Variants in LRRC7 observed in about 807,000 individuals in gnomAD.
LRRC7 encodes the protein leucine rich repeat containing 7, also known as leucine-rich repeat-containing protein 7.
Under a neutral mutation model 175.7 loss-of-function variants are expected in LRRC7, and 23 were observed. The observed-to-expected ratio is 0.13, with a 90% CI of 0.09 to 0.19. The LOEUF (loss-of-function observed/expected upper bound fraction) is 0.19. Among genes scored for constraint, LRRC7 ranks in the 10% least tolerant of loss-of-function variants. The pLI is 1.00. For synonymous variants in LRRC7, 685 were observed against 680.9 expected, an observed-to-expected ratio of 1.01 and a Z score of -0.09; for missense variants, 1,354 against 1,904.7, an observed-to-expected ratio of 0.71 and a Z score of 5.38.
At chr1:69,755,392 A>G (rs1429659523) in intron 2 of LRRC7, among the ~76,000 whole-genome samples, 1 of 149,304 alleles carries the variant, frequency 6.7e-6, no homozygotes, top group East Asian at 2.0e-4. Flanking sequence ...ATATATTTAT[A>G]TATATGCAAA....
chr1:69,914,444 T>C (rs1322229273), intron 7 of LRRC7, among the ~76,000 whole-genome samples: 3 of 152,084 alleles, frequency 2.0e-5, no homozygotes, highest in African/African-American at 7.2e-5. Context: ...TGCTGTAAAG[T>C]GATAGCATGA....
At chr1:69,601,662 G>T (rs1489051325) in intron 1 of LRRC7, among the ~76,000 whole-genome samples, 1 of 152,090 alleles carries the variant, frequency 6.6e-6, no homozygotes, top group Non-Finnish European at 1.5e-5. Flanking sequence ...ATTTGTTAAT[G>T]ATAAATATGT....
chr1:69,954,392 T>C (rs1391162129), intron 8 of LRRC7, among the ~76,000 whole-genome samples: 2 of 151,994 alleles, frequency 1.3e-5, no homozygotes, highest in Non-Finnish European at 2.9e-5. Flanking sequence ...TTCAATTTAA[T>C]AAAAGCAAAA....
At chr1:69,644,242 A>T (rs966606302) in intron 1 of LRRC7, among the ~76,000 whole-genome samples, 6 of 68,636 alleles carry the variant, frequency 8.7e-5, no homozygotes, top group Admixed American at 7.9e-4. Flanking sequence ...TCAATTTCCA[A>T]GAGAGAGATA....
At chr1:69,653,541 TG>T (rs1219947173) in intron 1 of LRRC7, among the ~76,000 whole-genome samples, 1 of 152,112 alleles carries the variant, frequency 6.6e-6, no homozygotes, top group East Asian at 1.9e-4. Flanking sequence ...AGAACCTTTT[TG>T]CATTGTTGGT....
chr1:70,041,715 A>G (rs1413710028), intron 21 of LRRC7, among the ~76,000 whole-genome samples: 1 of 152,274 alleles, frequency 6.6e-6, no homozygotes, highest in African/African-American at 2.4e-5. Context: ...GGAATGAGTG[A>G]AAACAACTAA....
At chr1:69,582,955 C>T (rs1646258243) in intron 1 of LRRC7, among the ~76,000 whole-genome samples, 1 of 152,000 alleles carries the variant, frequency 6.6e-6, no homozygotes, top group African/African-American at 2.4e-5. Flanking sequence ...AGTTATAAGA[C>T]ATTTGGGGAA....
intron 7 of LRRC7, among the ~76,000 whole-genome samples, chr1:69,854,361 A>T (rs1015185273): frequency 3.3e-5 from 5 of 152,042 alleles, no homozygotes; most frequent in African/African-American, 1.2e-4. Flanking sequence ...AAATTAGCCA[A>T]GCCTTGTGAT....
At chr1:69,855,284 C>T (rs1296495391) in intron 7 of LRRC7, among the ~76,000 whole-genome samples, 2 of 152,158 alleles carry the variant, frequency 1.3e-5, no homozygotes, top group Admixed American at 1.3e-4. Context: ...TTTCCCTCTA[C>T]ACACTGCTTT....
At chr1:69,721,843 T>C (rs1666386314) in intron 2 of LRRC7, among the ~76,000 whole-genome samples, 1 of 151,948 alleles carries the variant, frequency 6.6e-6, no homozygotes, top group Non-Finnish European at 1.5e-5. Context: ...TTTTTAAAAG[T>C]ATTTTATTGT....
chr1:69,671,516 A>C (rs1413072317), intron 1 of LRRC7, among the ~76,000 whole-genome samples: 3 of 152,098 alleles, frequency 2.0e-5, no homozygotes, highest in Non-Finnish European at 4.4e-5. Flanking sequence ...GTATCTCAGT[A>C]GGTCACATAT....
At chr1:69,962,362 T>A (rs1290860441) in intron 8 of LRRC7, among the ~76,000 whole-genome samples, 1 of 152,130 alleles carries the variant, frequency 6.6e-6, no homozygotes, top group Non-Finnish European at 1.5e-5. Flanking sequence ...AGAAAAAGGA[T>A]CACTTATACA....
chr1:69,948,836 A>G (rs146605395), intron 8 of LRRC7, among the ~76,000 whole-genome samples: 159 of 152,288 alleles, frequency 1.0e-3, no homozygotes, highest in Middle Eastern at 3.4e-3. Context: ...CAAGCACATT[A>G]CAGACTTTCA....
intron 26 of LRRC7, among the ~76,000 whole-genome samples, chr1:70,109,779 C>G (rs1665397158): frequency 6.6e-6 from 1 of 152,308 alleles, no homozygotes; most frequent in South Asian, 2.1e-4. Context: ...CAACATAACT[C>G]TCTAACATTT....
rs72671190 is a variant in LRRC7 at position 69,577,270 on chromosome 1, C to T, written c.2+8629C>T. 3.1e-3 allele frequency among the ~76,000 whole-genome samples: 471 copies of T among 152,264 alleles called. 4 individuals carry two copies. The highest frequency in any genetic ancestry group is 5.5e-3 in the Admixed American group (84 of 15,288). On this transcript the variant is annotated intron_variant, in intron 1 of 26. Transcript: ENST00000651989. ...TATAAAGGAATATGTTGTTAATCTC[C>T]TTCCCCCTCTTCCCTAGTAGAATTT...
At chr1:69,640,915 A>T (rs72936584) in intron 1 of LRRC7, among the ~76,000 whole-genome samples, 3,655 of 151,772 alleles carry the variant, frequency 0.024, 125 homozygotes, top group African/African-American at 0.083. Flanking sequence ...TCATAAACAC[A>T]ATTAAGATAT....
intron 3 of LRRC7, among the ~76,000 whole-genome samples, chr1:69,784,850 C>G (rs977137710): frequency 6.6e-6 from 1 of 152,078 alleles, no homozygotes; most frequent in East Asian, 1.9e-4. Context: ...ATGTAGAACA[C>G]AATATAAATG....
At chr1:70,119,864 C>G (rs953917721) in intron 26 of LRRC7, among the ~76,000 whole-genome samples, 3 of 152,002 alleles carry the variant, frequency 2.0e-5, no homozygotes, top group African/African-American at 4.8e-5. Context: ...CACAAAGTCA[C>G]TATTATGGTT....
intron 7 of LRRC7, among the ~76,000 whole-genome samples, chr1:69,849,561 G>A (rs1025525940): frequency 6.6e-6 from 1 of 151,784 alleles, no homozygotes; most frequent in African/African-American, 2.4e-5. Context: ...TAAAATATAT[G>A]TATTTTAATA....
Sources: gnomAD v4.1 joint callset for allele counts (sites outside exome capture counted in the v4.1 genomes callset) on GRCh38, gnomAD v4.1.1 for gene constraint, MANE v1.5 for transcripts, NCBI Gene and HGNC (gene_info 2026-07-23, HGNC 2026-07-21) for gene names.